The following RBM7 variants were observed in gnomAD, a reference collection of about 807,000 sequenced individuals.
RBM7 encodes the protein RNA binding motif protein 7, also known as RNA-binding protein 7.
RBM7 carries 13 observed loss-of-function variants against 31.0 expected under a neutral mutation model. That is an observed-to-expected ratio of 0.42 (90% confidence interval 0.27 to 0.67). The LOEUF (loss-of-function observed/expected upper bound fraction) is 0.67. Among genes scored for constraint, RBM7 ranks in the 30% least tolerant of loss-of-function variants. RBM7 has a pLI of 0.24. For synonymous variants in RBM7, 106 were observed against 111.2 expected, an observed-to-expected ratio of 0.95 and a Z score of 0.30; for missense variants, 245 against 326.2, an observed-to-expected ratio of 0.75 and a Z score of 1.92.
Position 114,402,922 on chromosome 11 carries a change from T to G in RBM7, c.347+7T>G, listed in dbSNP as rs771274199. ...CCTCCACATCTCCTAGCAGGTAATATTTCTCACTTATTGTTAAGATCATTT... is the reference window on the plus strand; with the variant it reads ...CCTCCACATCTCCTAGCAGGTAATAGTTCTCACTTATTGTTAAGATCATTT... On this transcript the variant is annotated splice_region_variant and intron_variant, in intron 3 of 4. Coordinates refer to ENST00000375490, the MANE Select transcript of RBM7 (RefSeq NM_001286045.2). 1.3e-6 allele frequency: 2 copies of G among 1,590,292 alleles called. No individual in the cohort carries two copies. The highest frequency in any genetic ancestry group is 1.7e-6 in the Non-Finnish European group (2 of 1,158,382).
intron 4 of RBM7, chr11:114,406,085 C>T: frequency 6.9e-6 from 2 of 291,924 alleles, no homozygotes; most frequent in Non-Finnish European, 1.3e-5. Context: ...ATTTGTTTTT[C>T]TTTTCAACCA....
intron 3 of RBM7, among the ~76,000 whole-genome samples, chr11:114,403,943 G>A (rs1035756843): frequency 6.6e-6 from 1 of 152,186 alleles, no homozygotes; most frequent in Non-Finnish European, 1.5e-5. Flanking sequence ...AGGGCTTTGA[G>A]AAAATTTTAA....
At chr11:114,402,944 A>G in intron 3 of RBM7, 29 bp downstream of exon 3, 1 of 1,535,644 alleles carries the variant, frequency 6.5e-7, no homozygotes, top group Non-Finnish European at 9.0e-7. Context: ...TGTTAAGATC[A>G]TTTATCAGGA....
At chr11:114,403,601 A>G (rs1946231794) in intron 3 of RBM7, among the ~76,000 whole-genome samples, 1 of 152,230 alleles carries the variant, frequency 6.6e-6, no homozygotes, top group African/African-American at 2.4e-5. Context: ...TTTAACAGTC[A>G]TTTAAGAAAG....
Position 114,408,922 on chromosome 11 carries a change from GTTAT to G in RBM7, c.*1118_*1121del, listed in dbSNP as rs893946466. ...TGAAAATATAAAAGGAAGGGTGTGT[GTTAT>G]TTTTTTTTTTTTATGTCACTGACTT... is the stretch of plus-strand genomic sequence containing the variant. On this transcript the variant is annotated 3_prime_UTR_variant, in exon 5 of 5. Coordinates refer to ENST00000375490, the MANE Select transcript of RBM7 (RefSeq NM_001286045.2). 7 of 150,204 alleles carry G rather than the reference GTTAT, an allele frequency of 4.7e-5. No homozygotes were observed. The highest frequency in any genetic ancestry group is 1.2e-4 in the African/African-American group (5 of 40,896). 9.3% of individuals were successfully genotyped at this position (150,204 alleles called of 1,614,324 possible). A position where few individuals can be genotyped will look rare whatever the true frequency, so the allele number is the denominator to read the frequency against.
chr11:114,404,619 C>T (rs1467464036), intron 3 of RBM7, among the ~76,000 whole-genome samples: 9 of 151,890 alleles, frequency 5.9e-5, no homozygotes, highest in Non-Finnish European at 1.2e-4. Flanking sequence ...GGGAGGACCA[C>T]TTGAGGCCTT....
rs191843690 is a variant in RBM7 at position 114,403,537 on chromosome 11, G to A, written c.347+622G>A. ...TTACTTAAATGATTTTATTTGCTTT[G>A]GGGAGGTTCATATTTTACCAGGGAC... On this transcript the variant is annotated intron_variant, in intron 3 of 4. Coordinates refer to ENST00000375490, the MANE Select transcript of RBM7 (RefSeq NM_001286045.2). Among the ~76,000 whole-genome samples the A allele has an allele frequency of 2.2e-4, 34 of 152,254 alleles. 1 individual carries two copies. The highest frequency in any genetic ancestry group is 7.7e-4 in the East Asian group (4 of 5,194).
Position 114,401,440 on chromosome 11 carries a change from G to A in RBM7, c.97-258G>A, listed in dbSNP as rs114891953. Among the ~76,000 whole-genome samples the A allele has an allele frequency of 2.9e-3, 438 of 152,268 alleles. 1 individual carries two copies. The highest frequency in any genetic ancestry group is 9.6e-3 in the African/African-American group (398 of 41,562). ...CAAAATAATGGCGATTGGTCACTAT[G>A]TTAAGCCATACAGTGCTGTGAATTG... On this transcript the variant is annotated intron_variant, in intron 1 of 4. Coordinates refer to ENST00000375490, the MANE Select transcript of RBM7 (RefSeq NM_001286045.2).
rs771270717 is a variant in RBM7 at position 114,407,574 on chromosome 11, C to T, written c.571C>T (p.Arg191Cys). Residue 191 changes from arginine to cysteine, a missense_variant, in exon 5 of 5, where the codon CGC (arginine) becomes TGC (cysteine). Physicochemically the swap from Arg to Cys is radical, Grantham distance 180 (BLOSUM62 -3). Transcript: ENST00000375490. ...SFNQSSSSQWRQGTPSSQRKV... is the reference protein window; with the variant it reads ...SFNQSSSSQWCQGTPSSQRKV... ...CAATCAGTCTTCAAGCTCCCAGTGG[C>T]GCCAAGGTACACCATCATCACAGCG... 26 of 1,614,050 alleles carry T rather than the reference C, an allele frequency of 1.6e-5. No homozygotes were observed. Among genetic ancestry groups the T allele is most frequent in the Non-Finnish European group, 2.1e-5 (25 of 1,180,028 alleles).
chr11:114,403,018 C>T, intron 3 of RBM7, 103 bp downstream of exon 3: 1 of 1,003,234 alleles, frequency 1.0e-6, no homozygotes, highest in South Asian at 1.4e-5. Context: ...TCTCTTATCT[C>T]TTCATTCTGC....
At chr11:114,405,963 A>G (rs1474623185) in intron 4 of RBM7, 164 bp downstream of exon 4, 2 of 523,678 alleles carry the variant, frequency 3.8e-6, no homozygotes, top group Non-Finnish European at 3.3e-6. Context: ...ACTTTTTCTC[A>G]AATTTTTGTT....
chr11:114,407,819 A>G lies in RBM7; in HGVS notation c.*12A>G. The G allele has an allele frequency of 6.3e-7, 1 of 1,584,362 alleles. No individual in the cohort carries two copies. The highest frequency in any genetic ancestry group is 8.6e-7 in the Non-Finnish European group (1 of 1,168,234). On this transcript the variant is annotated 3_prime_UTR_variant, in exon 5 of 5. Transcript: ENST00000375490. ...CATCTCGACACTAACACATGTTAAA[A>G]GGACATTGTTTTTATAGGGTCATTT...
Position 114,407,869 on chromosome 11 carries a change from G to A in RBM7, c.*62G>A. ...TTAGGCCCTTTGACTAAGTTGATAT[G>A]GAAATATTTTGTTGAAAAACTGTAC... On this transcript the variant is annotated 3_prime_UTR_variant, in exon 5 of 5. Coordinates refer to ENST00000375490, the MANE Select transcript of RBM7 (RefSeq NM_001286045.2). 2.0e-6 allele frequency: 3 copies of A among 1,489,274 alleles called. No homozygotes were observed. The highest frequency in any genetic ancestry group is 2.8e-5 in the South Asian group (2 of 72,440). The allele number at this position is 1,489,274 out of a possible 1,614,324, so 92.3% of individuals were successfully genotyped here.
rs1946302741 is a variant in RBM7, at chr11:114,408,865, C to G, written c.*1058C>G. Reference sequence around the variant, plus strand: ...GAAAAATAAGGATCCTTTTTAATACCACAGCATTTGTACTGTTCCTTTTTA... The same window carrying G: ...GAAAAATAAGGATCCTTTTTAATACGACAGCATTTGTACTGTTCCTTTTTA... On this transcript the variant is annotated 3_prime_UTR_variant, in exon 5 of 5. Coordinates refer to ENST00000375490, the MANE Select transcript of RBM7 (RefSeq NM_001286045.2). 1 of 151,124 alleles carries G rather than the reference C, an allele frequency of 6.6e-6. No individual in the cohort carries two copies. The highest frequency in any genetic ancestry group is 1.5e-5 in the Non-Finnish European group (1 of 67,834). 9.4% of individuals were successfully genotyped at this position (151,124 alleles called of 1,614,324 possible). A position where few individuals can be genotyped will look rare whatever the true frequency, so the allele number is the denominator to read the frequency against.
intron 1 of RBM7, among the ~76,000 whole-genome samples, 182 bp from the exon 2 acceptor site, chr11:114,401,516 T>G (rs1227755071): frequency 6.6e-6 from 1 of 152,206 alleles, no homozygotes; most frequent in African/African-American, 2.4e-5. Context: ...CCCAAATAAA[T>G]CTAATGTTCA....
At position 114,408,013 on chromosome 11, in the gene RBM7, G is replaced by A; in HGVS notation, c.*206G>A. ...CTTTCACCTCAGGGTTTTATGAAGA[G>A]GAAAGGGTTTTATGCAAAAGAAAGT... On this transcript the variant is annotated 3_prime_UTR_variant, in exon 5 of 5. Transcript: ENST00000375490. 1 of 468,862 alleles carries A rather than the reference G, an allele frequency of 2.1e-6. No individual in the cohort carries two copies. 29.0% of individuals were successfully genotyped at this position (468,862 alleles called of 1,614,324 possible).
intron 3 of RBM7, 87 bp from the exon 4 acceptor site, chr11:114,405,619 C>T: frequency 1.2e-6 from 1 of 862,632 alleles, no homozygotes; most frequent in Non-Finnish European, 1.7e-6. Context: ...CTTGTTCATT[C>T]CGACCTTTGA....
At chr11:114,401,077 A>G (rs1028069555) in intron 1 of RBM7, among the ~76,000 whole-genome samples, 2 of 152,082 alleles carry the variant, frequency 1.3e-5, no homozygotes, top group Admixed American at 6.5e-5. Context: ...GCTTTTTCTT[A>G]TCCTTCCTGT....
At chr11:114,406,124 AC>A in intron 4 of RBM7, 1 of 189,616 alleles carries the variant, frequency 5.3e-6, no homozygotes, top group South Asian at 1.1e-4. Context: ...ATGCTCCTGT[AC>A]CCTATCCTGA....
Sources: allele counts gnomAD v4.1 joint callset (sites outside exome capture counted in the v4.1 genomes callset), GRCh38; gene constraint gnomAD v4.1.1; transcripts MANE v1.5; gene names NCBI Gene and HGNC (gene_info 2026-07-23, HGNC 2026-07-21).